The following MTCL1 variants were observed in gnomAD, a reference collection of about 807,000 sequenced individuals.
MTCL1 encodes the protein microtubule crosslinking factor 1.
MTCL1 carries 79 observed loss-of-function variants against 141.4 expected under a neutral mutation model. That is an observed-to-expected ratio of 0.56 (90% CI 0.47 to 0.67). The LOEUF (loss-of-function observed/expected upper bound fraction) is 0.67, where lower values mean the gene tolerates loss of function less well. Ranked by LOEUF, MTCL1 falls within the 30% of genes least tolerant of loss-of-function variation. The probability of loss-of-function intolerance (pLI) is 0.00; values close to 1 mark genes in which losing one functional copy is unlikely to be tolerated. For synonymous variants in MTCL1, 914 were observed against 875.8 expected, an observed-to-expected ratio of 1.04 and a Z score of -0.77; for missense variants, 2,177 against 2,113.9, an observed-to-expected ratio of 1.03 and a Z score of -0.59.
In MTCL1 at chr18:8,810,678, TG is replaced by T. The variant is rs2076453743; in HGVS notation, c.2605-2299del. Among the ~76,000 whole-genome samples, 1 of 152,168 alleles carries T rather than the reference TG, an allele frequency of 6.6e-6. No homozygotes were observed. Among genetic ancestry groups the T allele is most frequent in the African/African-American group, 2.4e-5 (1 of 41,436 alleles). On this transcript the variant is annotated intron_variant, in intron 11 of 16. Coordinates refer to ENST00000359865, the Ensembl canonical transcript of MTCL1. The surrounding 1 kb of genome is among the most constrained non-coding windows in gnomAD (Gnocchi z 5.0). Reference sequence around the variant, plus strand: ...GCAGCTCTTTTAAACTGGGATTTTGTGGTGCTTGGTGCTTTTCTGGTAGTCT... The same window carrying T: ...GCAGCTCTTTTAAACTGGGATTTTGTGTGCTTGGTGCTTTTCTGGTAGTCT...
intron 10 of MTCL1, among the ~76,000 whole-genome samples, chr18:8,802,532 C>T (rs928170746): frequency 1.4e-4 from 22 of 152,182 alleles, no homozygotes; most frequent in African/African-American, 4.1e-4. Context: ...TACCTTGATA[C>T]GTTACCTTAT....
chr18:8,750,753 A>G (rs908823081), intron 4 of MTCL1, among the ~76,000 whole-genome samples: 8 of 152,240 alleles, frequency 5.3e-5, no homozygotes, highest in African/African-American at 1.9e-4. Flanking sequence ...CATTGCAGTT[A>G]TAATCAGATT....
chr18:8,726,602 C>G (rs2096216811), intron 4 of MTCL1, among the ~76,000 whole-genome samples: 1 of 151,940 alleles, frequency 6.6e-6, no homozygotes, highest in Non-Finnish European at 1.5e-5. Flanking sequence ...TTAACCCCAT[C>G]ATGGGGCCAA....
At chr18:8,717,143 AGAG>A (rs1360687153), upstream of MTCL1, among the ~76,000 whole-genome samples, 6 of 152,204 alleles carry the variant, frequency 3.9e-5, no homozygotes, top group African/African-American at 1.4e-4. Context: ...CGGGATGCAG[AGAG>A]GAGAAAGACA....
chr18:8,743,387 G>T (rs1017320442), intron 4 of MTCL1, among the ~76,000 whole-genome samples: 6 of 152,210 alleles, frequency 3.9e-5, no homozygotes, highest in African/African-American at 1.4e-4. Flanking sequence ...AAGCACAGAA[G>T]GTCTTAGTAC....
At chr18:8,717,193 T>TGACAGACA (rs1210181208), upstream of MTCL1, among the ~76,000 whole-genome samples, 4 of 152,076 alleles carry the variant, frequency 2.6e-5, no homozygotes, top group Admixed American at 2.0e-4. Context: ...ACCTTGTTAG[T>TGACAGACA]GTAGGTGACA....
At chr18:8,829,938 C>T (rs1310846861) in intron 16 of MTCL1, 13 of 985,272 alleles carry the variant, frequency 1.3e-5, no homozygotes, top group Non-Finnish European at 1.6e-5. Context: ...AGAGGGGGTA[C>T]TGAATGGTCT....
At chr18:8,721,563 G>A (rs1026492549) in intron 4 of MTCL1, among the ~76,000 whole-genome samples, 1 of 152,038 alleles carries the variant, frequency 6.6e-6, no homozygotes, top group African/African-American at 2.4e-5. Context: ...TCGCTGGAAT[G>A]TTCTTTCTCC....
At chr18:8,789,730 A>T in intron 7 of MTCL1, 4 of 985,112 alleles carry the variant, frequency 4.1e-6, no homozygotes, top group Non-Finnish European at 4.8e-6. Context: ...TAGGTAAGTG[A>T]ACAAAAAAAG....
intron 4 of MTCL1, among the ~76,000 whole-genome samples, chr18:8,735,443 G>A (rs2096270464): frequency 6.6e-6 from 1 of 152,138 alleles, no homozygotes; most frequent in Non-Finnish European, 1.5e-5. Context: ...AGGAACCCTT[G>A]CCGGAATGTG....
intron 13 of MTCL1, among the ~76,000 whole-genome samples, chr18:8,819,669 A>G (rs1282329624): frequency 1.3e-5 from 2 of 151,972 alleles, no homozygotes; most frequent in African/African-American, 2.4e-5. Context: ...AGTGTCTGAT[A>G]ACGACTCACC....
chr18:8,774,254 A>ATGTGTGTGTGTGTGTGTGTGTGTGTGTG (rs138724389), intron 4 of MTCL1, among the ~76,000 whole-genome samples: 6 of 150,018 alleles, frequency 4.0e-5, no homozygotes, highest in African/African-American at 1.5e-4. Flanking sequence ...CTCTTTTCGA[A>ATGTGTGTGTGTGTGTGTGTGTGTGTGTG]TGTGTGTGTG....
At chr18:8,798,414 C>G (rs1488582466) in intron 10 of MTCL1, 123 bp downstream of exon 9, 2 of 754,252 alleles carry the variant, frequency 2.7e-6, no homozygotes, top group Non-Finnish European at 4.0e-6. Flanking sequence ...CACCGCCTGA[C>G]TGCGGTCACC....
intron 5 of MTCL1, among the ~76,000 whole-genome samples, chr18:8,781,778 C>T (rs187431440): frequency 1.5e-3 from 225 of 152,310 alleles, no homozygotes; most frequent in Non-Finnish European, 2.7e-3. Context: ...GAGCCCAGGT[C>T]CCTTAGACAG....
Position 8,779,515 on chromosome 18 carries a change from C to T in MTCL1, c.417+1623C>T, listed in dbSNP as rs1166318349. Among the ~76,000 whole-genome samples, 1 of 152,206 alleles carries T rather than the reference C, an allele frequency of 6.6e-6. No individual in the cohort carries two copies. The highest frequency in any genetic ancestry group is 1.9e-4 in the East Asian group (1 of 5,186). Reference sequence around the variant, plus strand: ...CTGAGCTGAAGCTGTGATTCCACATCTTATGAGAAGGAGTGGCTTCCCCTA... The same window carrying T: ...CTGAGCTGAAGCTGTGATTCCACATTTTATGAGAAGGAGTGGCTTCCCCTA... On this transcript the variant is annotated intron_variant, in intron 5 of 16. Transcript: ENST00000359865. This position sits in a 1 kb window ranked among gnomAD's most constrained non-coding sequence, Gnocchi z 4.1.
chr18:8,761,327 T>C (rs1024447474), intron 4 of MTCL1, among the ~76,000 whole-genome samples: 2 of 152,250 alleles, frequency 1.3e-5, no homozygotes, highest in Non-Finnish European at 2.9e-5. Context: ...TTAGTATTTT[T>C]ATTGTGATAA....
intron 4 of MTCL1, among the ~76,000 whole-genome samples, chr18:8,727,926 T>G: frequency 6.9e-6 from 1 of 144,990 alleles, no homozygotes; most frequent in Admixed American, 6.8e-5. Context: ...TTGACTTCTC[T>G]TTGAGTTTTT....
At chr18:8,823,538 T>G (rs2076915729) in intron 14 of MTCL1, among the ~76,000 whole-genome samples, 1 of 152,246 alleles carries the variant, frequency 6.6e-6, no homozygotes, top group African/African-American at 2.4e-5. Flanking sequence ...GCTCATGACC[T>G]TGGGACAAAT....
chr18:8,818,375 G>C (rs544205648), intron 12 of MTCL1, among the ~76,000 whole-genome samples: 23 of 151,768 alleles, frequency 1.5e-4, no homozygotes, highest in African/African-American at 5.6e-4. Flanking sequence ...AGTCATACCA[G>C]ATCTTTACTT....
Sources: allele counts gnomAD v4.1 joint callset (sites outside exome capture counted in the v4.1 genomes callset), GRCh38; gene constraint gnomAD v4.1.1; non-coding constraint Gnocchi (gnomAD v3.1); transcripts MANE v1.5; gene names NCBI Gene and HGNC (gene_info 2026-07-23, HGNC 2026-07-21).